The following TSPAN9 variants were observed in gnomAD, a reference collection of about 807,000 sequenced individuals.
TSPAN9 encodes tetraspanin-9.
Under a neutral mutation model 31.0 loss-of-function variants are expected in TSPAN9, and 16 were observed. That is an observed-to-expected ratio of 0.52 (90% CI 0.35 to 0.78). The LOEUF (loss-of-function observed/expected upper bound fraction) is 0.78, where lower values mean the gene tolerates loss of function less well. Ranked by LOEUF, TSPAN9 falls within the 30% of genes least tolerant of loss-of-function variation. The pLI, the probability that TSPAN9 is intolerant of heterozygous loss-of-function variation, is 0.01. For synonymous variants in TSPAN9, 145 were observed against 121.6 expected (o/e 1.19, Z -1.27); for missense variants, 272 against 312.5 (o/e 0.87, Z 0.98).
At chr12:3,138,623 T>C (rs1175276032) in intron 2 of TSPAN9, among the ~76,000 whole-genome samples, 2 of 127,738 alleles carry the variant, frequency 1.6e-5, no homozygotes, top group African/African-American at 5.9e-5. Context: ...TGCCACCATA[T>C]CCGCCATACA....
chr12:3,252,855 G>A (rs1862275260), intron 3 of TSPAN9, among the ~76,000 whole-genome samples: 1 of 152,182 alleles, frequency 6.6e-6, no homozygotes, highest in Non-Finnish European at 1.5e-5. Flanking sequence ...CTTGAGGGCC[G>A]GTGGACATCT....
chr12:3,125,462 T>C (rs1201421291), intron 2 of TSPAN9, among the ~76,000 whole-genome samples: 1 of 152,164 alleles, frequency 6.6e-6, no homozygotes, highest in African/African-American at 2.4e-5. Flanking sequence ...CGCAGTTTTC[T>C]CCCTTAATTG....
chr12:3,196,968 C>G (rs2098367336), intron 2 of TSPAN9, among the ~76,000 whole-genome samples: 3 of 152,120 alleles, frequency 2.0e-5, no homozygotes, highest in Admixed American at 2.0e-4. Flanking sequence ...AGGGGGCCAC[C>G]CTGCGAGGGC....
At chr12:3,121,561 A>G (rs1487260381) in intron 2 of TSPAN9, among the ~76,000 whole-genome samples, 1 of 47,174 alleles carries the variant, frequency 2.1e-5, no homozygotes, top group Non-Finnish European at 4.4e-5. Flanking sequence ...TTTTTTTTGT[A>G]GAGACAAGGC....
chr12:3,226,765 TATATATATATATATA>T (rs2098387799), intron 3 of TSPAN9, among the ~76,000 whole-genome samples: 2 of 3,436 alleles, frequency 5.8e-4, no homozygotes, highest in Non-Finnish European at 1.5e-3. Context: ...TATATATATA[TATATATATATATATA>T]TATATATATA....
intron 2 of TSPAN9, among the ~76,000 whole-genome samples, chr12:3,105,167 C>T (rs1056903107): frequency 6.6e-6 from 1 of 152,312 alleles, no homozygotes. Context: ...TCAGACAAGC[C>T]CTGCTGTGTA....
intron 3 of TSPAN9, among the ~76,000 whole-genome samples, chr12:3,237,797 C>T (rs746035351): frequency 9.2e-5 from 14 of 152,198 alleles, no homozygotes; most frequent in Non-Finnish European, 1.8e-4. Flanking sequence ...TAGCTCCCTC[C>T]AGCTGTCCCT....
chr12:3,217,847 T>G (rs1329969258), intron 3 of TSPAN9, among the ~76,000 whole-genome samples: 1 of 152,088 alleles, frequency 6.6e-6, no homozygotes, highest in Non-Finnish European at 1.5e-5. Context: ...TGCTTCTCGG[T>G]GTCACCACTT....
intron 3 of TSPAN9, among the ~76,000 whole-genome samples, chr12:3,261,223 T>A (rs1164767005): frequency 6.6e-6 from 1 of 152,204 alleles, no homozygotes; most frequent in Non-Finnish European, 1.5e-5. Context: ...GATAGTTAAC[T>A]TGTATGAGTA....
intron 2 of TSPAN9, among the ~76,000 whole-genome samples, chr12:3,117,567 C>T (rs2098323016): frequency 6.6e-6 from 1 of 152,238 alleles, no homozygotes; most frequent in Admixed American, 6.5e-5. Flanking sequence ...GGAAACCCAC[C>T]GTGGGCCCAG....
At chr12:3,281,935 A>G in intron 8 of TSPAN9, 118 bp downstream of exon 8, 1 of 1,116,042 alleles carries the variant, frequency 9.0e-7, no homozygotes, top group Non-Finnish European at 1.3e-6. Flanking sequence ...AATTCATCAC[A>G]GCTATTCAAG....
intron 2 of TSPAN9, among the ~76,000 whole-genome samples, chr12:3,167,841 G>C (rs2098349367): frequency 6.6e-6 from 1 of 152,178 alleles, no homozygotes; most frequent in Non-Finnish European, 1.5e-5. Flanking sequence ...TCTGGCTGGG[G>C]GTGGGGGAGC....
At chr12:3,128,992 T>G (rs1246005368) in intron 2 of TSPAN9, among the ~76,000 whole-genome samples, 1 of 152,224 alleles carries the variant, frequency 6.6e-6, no homozygotes, top group African/African-American at 2.4e-5. Flanking sequence ...TTATTCCAGG[T>G]ACCTCATGTA....
rs532195503 is a variant in TSPAN9, at chr12:3,082,079, C to T, written c.-84-1574C>T. Among the ~76,000 whole-genome samples the T allele has an allele frequency of 5.3e-5, 8 of 152,036 alleles. No homozygotes were observed. The East Asian group carries it at 7.7e-4, about 15-fold the overall frequency. On this transcript the variant is annotated intron_variant, in intron 1 of 8. Coordinates refer to ENST00000011898, the MANE Select transcript of TSPAN9 (RefSeq NM_006675.5). Reference sequence around the variant, plus strand: ...TCCTTATCTTCATGGGGCTTATAAGCCAGTAAAGAGTTGAGAAATGGGCTC... The same window carrying T: ...TCCTTATCTTCATGGGGCTTATAAGTCAGTAAAGAGTTGAGAAATGGGCTC...
intron 3 of TSPAN9, among the ~76,000 whole-genome samples, chr12:3,214,868 A>G (rs1244420990): frequency 2.6e-5 from 4 of 151,944 alleles, no homozygotes; most frequent in Admixed American, 2.0e-4. Flanking sequence ...CATTAGGAAG[A>G]GCGTTCTTGT....
chr12:3,190,157 C>A (rs951534922), intron 2 of TSPAN9, among the ~76,000 whole-genome samples: 2 of 152,224 alleles, frequency 1.3e-5, no homozygotes, highest in South Asian at 2.1e-4. Context: ...AGGGAGGCAG[C>A]AGGCAGCAGC....
At chr12:3,078,448 G>A (rs1197499370) in intron 1 of TSPAN9, among the ~76,000 whole-genome samples, 1 of 152,114 alleles carries the variant, frequency 6.6e-6, no homozygotes. Flanking sequence ...TCTCTTTACT[G>A]AAAATAGCCA....
At chr12:3,188,117 T>G (rs2098362387) in intron 2 of TSPAN9, among the ~76,000 whole-genome samples, 1 of 151,840 alleles carries the variant, frequency 6.6e-6, no homozygotes, top group South Asian at 2.1e-4. Flanking sequence ...GGGTGAAAGG[T>G]TCCAAAGACA....
chr12:3,095,695 A>T (rs1282528069), intron 2 of TSPAN9, among the ~76,000 whole-genome samples: 139 of 80,130 alleles, frequency 1.7e-3, no homozygotes, highest in Middle Eastern at 0.019. Flanking sequence ...CACTTCCCAG[A>T]TGGGGCGGCG....
Sources: gnomAD v4.1 joint callset for allele counts (sites outside exome capture counted in the v4.1 genomes callset) on GRCh38, gnomAD v4.1.1 for gene constraint, MANE v1.5 for transcripts, NCBI Gene and HGNC (gene_info 2026-07-23, HGNC 2026-07-21) for gene names.